Variants in RMST observed in about 807,000 individuals in gnomAD.
The protein encoded by RMST is long intergenic non-protein coding RNA 54.
intron 10 of RMST, chr12:97,496,133 G>C (rs779619277): frequency 2.0e-5 from 3 of 152,122 alleles, no homozygotes; most frequent in Non-Finnish European, 4.4e-5. Flanking sequence ...TTGCCAGTTG[G>C]GGGGAGAAAT....
chr12:97,525,774 G>A lies in RMST; in HGVS notation n.1341-4881G>A, dbSNP rs184225850. Among the ~76,000 whole-genome samples, 317 of 152,314 alleles carry A rather than the reference G, an allele frequency of 2.1e-3. 2 individuals carry two copies. The highest frequency in any genetic ancestry group is 7.5e-3 in the African/African-American group (310 of 41,570). On this transcript the variant is annotated intron_variant and non_coding_transcript_variant, in intron 10 of 13. Coordinates refer to ENST00000640149, the Ensembl canonical transcript of RMST. ...TGGCCACAAACCAGAGCACAGGTCT[G>A]TAACCTGTTAGGAACCAGGCTGCAC...
At chr12:97,530,838 T>C (rs1881551382) in exon 11 of RMST, 1 of 152,036 alleles carries the variant, frequency 6.6e-6, no homozygotes, top group Admixed American at 6.6e-5. Flanking sequence ...AGATGAGAAA[T>C]TGCGAACTTG....
chr12:97,519,847 A>G (rs982278853), intron 10 of RMST, among the ~76,000 whole-genome samples: 8 of 152,186 alleles, frequency 5.3e-5, no homozygotes, highest in Non-Finnish European at 1.0e-4. Context: ...AAAAATTGAA[A>G]TACACTTCAT....
intron 8 of RMST, among the ~76,000 whole-genome samples, chr12:97,494,451 G>A (rs925380794): frequency 1.3e-5 from 2 of 152,164 alleles, no homozygotes; most frequent in Non-Finnish European, 1.5e-5. Flanking sequence ...TTGGGAGGCT[G>A]AGGTGGGAGG....
At chr12:97,502,029 A>T (rs556940491) in intron 10 of RMST, among the ~76,000 whole-genome samples, 5 of 152,298 alleles carry the variant, frequency 3.3e-5, no homozygotes, top group African/African-American at 1.2e-4. Context: ...AGGAAGAGGT[A>T]CTAGATTAGA....
At chr12:97,468,240 T>C (rs1443968110) in intron 5 of RMST, among the ~76,000 whole-genome samples, 1 of 152,036 alleles carries the variant, frequency 6.6e-6, no homozygotes, top group South Asian at 2.1e-4. Context: ...AAGAAAAAAG[T>C]TATCCTAAAA....
intron 11 of RMST, among the ~76,000 whole-genome samples, chr12:97,559,291 C>T (rs183664127): frequency 5.3e-5 from 8 of 152,250 alleles, no homozygotes; most frequent in Admixed American, 3.3e-4. Context: ...CTATCTGCCA[C>T]GCAGAGTTCA....
intron 11 of RMST, among the ~76,000 whole-genome samples, chr12:97,552,699 T>TTTG (rs1592793420): frequency 1.3e-5 from 2 of 152,296 alleles, no homozygotes; most frequent in Admixed American, 1.3e-4. Context: ...CCCTTTCTAT[T>TTTG]TTGTTGTTGT....
chr12:97,473,056 G>A (rs1874117843), intron 5 of RMST, among the ~76,000 whole-genome samples: 1 of 152,082 alleles, frequency 6.6e-6, no homozygotes, highest in Non-Finnish European at 1.5e-5. Flanking sequence ...ATTACTGTTA[G>A]CAATCATACT....
chr12:97,495,178 G>GGGA (rs143000610), intron 9 of RMST, among the ~76,000 whole-genome samples: 13,425 of 150,890 alleles, frequency 0.089, 1,094 homozygotes, highest in African/African-American at 0.2. Context: ...TATTCTTATG[G>GGGA]GGGGGGAGCC....
At chr12:97,499,702 C>T (rs1877875407) in intron 10 of RMST, among the ~76,000 whole-genome samples, 1 of 148,838 alleles carries the variant, frequency 6.7e-6, no homozygotes, top group Non-Finnish European at 1.5e-5. Context: ...CTCTGTTGCC[C>T]AGACTGGAGT....
At chr12:97,544,761 A>T (rs1882811680) in intron 11 of RMST, among the ~76,000 whole-genome samples, 1 of 151,978 alleles carries the variant, frequency 6.6e-6, no homozygotes. Flanking sequence ...TTTTCTCCTG[A>T]ATTAATCAGT....
chr12:97,481,627 G>A (rs975847448), intron 5 of RMST, among the ~76,000 whole-genome samples: 1 of 152,052 alleles, frequency 6.6e-6, no homozygotes, highest in Non-Finnish European at 1.5e-5. Flanking sequence ...TTTATTTTTT[G>A]TTAATGAAAT....
chr12:97,536,337 T>C (rs887019375), intron 11 of RMST, among the ~76,000 whole-genome samples: 6 of 151,546 alleles, frequency 4.0e-5, no homozygotes, highest in African/African-American at 1.5e-4. Flanking sequence ...CCTTTTCTTA[T>C]GAGAATAAAA....
At chr12:97,523,213 C>A (rs912012681) in intron 10 of RMST, among the ~76,000 whole-genome samples, 1 of 152,166 alleles carries the variant, frequency 6.6e-6, no homozygotes, top group East Asian at 1.9e-4. Context: ...TAAACTATGA[C>A]TGTATACTTG....
intron 5 of RMST, among the ~76,000 whole-genome samples, chr12:97,472,540 A>G (rs1874050450): frequency 6.6e-6 from 1 of 152,138 alleles, no homozygotes; most frequent in East Asian, 1.9e-4. Context: ...AGTCCGTGAC[A>G]ATTAACTCAG....
At chr12:97,506,771 C>A (rs919544930) in intron 10 of RMST, among the ~76,000 whole-genome samples, 10 of 148,708 alleles carry the variant, frequency 6.7e-5, no homozygotes, top group Non-Finnish European at 1.3e-4. Context: ...GCAACCTCTG[C>A]CTCCTGGGTT....
At chr12:97,491,930 C>T (rs557583728) in intron 5 of RMST, 2 of 533,488 alleles carry the variant, frequency 3.7e-6, no homozygotes, top group African/African-American at 1.9e-5. Flanking sequence ...CTGCCAAAGG[C>T]GCTTCTCCTT....
At chr12:97,463,876 G>T (rs570518659) in intron 4 of RMST, among the ~76,000 whole-genome samples, 26 of 151,714 alleles carry the variant, frequency 1.7e-4, no homozygotes, top group African/African-American at 2.2e-4. Flanking sequence ...AAATTAGTTG[G>T]TTTTTTTTAA....
Sources: gnomAD v4.1 joint callset for allele counts (sites outside exome capture counted in the v4.1 genomes callset) on GRCh38, gnomAD v4.1.1 for gene constraint, MANE v1.5 for transcripts, NCBI Gene and HGNC (gene_info 2026-07-23, HGNC 2026-07-21) for gene names.